RBM18: variants seen among roughly 807,000 people sequenced by gnomAD.
The protein encoded by RBM18 is RNA binding motif protein 18.
In RBM18, 18 loss-of-function variants were observed where a neutral mutation model predicts 26.4. The ratio of observed to expected loss-of-function variants is 0.68; its 90% CI spans 0.47 to 1.01. The LOEUF is 1.01. RBM18 is among the 50% of genes least tolerant of loss of function. RBM18 has a pLI of 0.00. For missense variants in RBM18, 180 were observed against 219.2 expected (o/e 0.82, Z 1.13); for synonymous variants, 74 against 81.1 (o/e 0.91, Z 0.47).
chr9:122,251,988 G>A lies in RBM18; in HGVS notation c.114-15C>T, dbSNP rs1444927371. The A allele has an allele frequency of 1.2e-6, 2 of 1,613,392 alleles. No homozygotes were observed. Among genetic ancestry groups the A allele is most frequent in the African/African-American group, 1.3e-5 (1 of 74,906 alleles). ...GGAGGTGGTATCTGTGGAGAAAGAA[G>A]AGTCCATGAGTATGCTCTGGGAATT... is the stretch of plus-strand genomic sequence containing the variant. On this transcript the variant is annotated splice_polypyrimidine_tract_variant and intron_variant, in intron 2 of 5. Transcript: ENST00000417201.
intron 1 of RBM18, among the ~76,000 whole-genome samples, chr9:122,262,104 T>C (rs1404135098): frequency 6.7e-6 from 1 of 149,630 alleles, no homozygotes; most frequent in East Asian, 1.9e-4. Context: ...GCTTATTTTA[T>C]AGAGTTGTTG....
chr9:122,263,346 A>C lies in RBM18; in HGVS notation c.-17+1369T>G, dbSNP rs1831863948. Among the ~76,000 whole-genome samples, 3 of 152,258 alleles carry C rather than the reference A, an allele frequency of 2.0e-5. No homozygotes were observed. The South Asian group carries it at 6.2e-4, about 32-fold the overall frequency. ...TGAAATAGACAAATGAAAAAGCCAC[A>C]GCTCTTGTTCTTACCTCCTGGGAGA... On this transcript the variant is annotated intron_variant, in intron 1 of 5. Transcript: ENST00000417201.
At chr9:122,260,019 A>C (rs1018282223) in intron 2 of RBM18, among the ~76,000 whole-genome samples, 4 of 152,054 alleles carry the variant, frequency 2.6e-5, no homozygotes, top group Admixed American at 6.5e-5. Context: ...CACTATTCTA[A>C]AGGGAGTAAC....
chr9:122,254,817 C>T (rs985054084), intron 2 of RBM18, among the ~76,000 whole-genome samples: 2 of 152,110 alleles, frequency 1.3e-5, no homozygotes, highest in African/African-American at 2.4e-5. Context: ...CAAACAATTA[C>T]AAAACAATGG....
chr9:122,259,812 A>G (rs1180151550), intron 2 of RBM18, among the ~76,000 whole-genome samples: 1 of 151,554 alleles, frequency 6.6e-6, no homozygotes, highest in African/African-American at 2.4e-5. Context: ...TCGCGCCTCA[A>G]CCTCCCAAGT....
At chr9:122,247,418 G>A (rs1458413687) in intron 4 of RBM18, 100 bp downstream of exon 4, 2 of 961,626 alleles carry the variant, frequency 2.1e-6, no homozygotes, top group South Asian at 1.3e-5. Flanking sequence ...GGCTGTTTCA[G>A]GTGTGAAGAG....
In RBM18 at chr9:122,241,745, C is replaced by T; in HGVS notation, c.*139G>A. On this transcript the variant is annotated 3_prime_UTR_variant, in exon 6 of 6. Coordinates refer to ENST00000417201, the MANE Select transcript of RBM18 (RefSeq NM_033117.4). ...AGGGAAGAAACATCCATAAGAACAT[C>T]CAAAAACATTATGTTACCAAATGCT... is the stretch of plus-strand genomic sequence containing the variant. The T allele has an allele frequency of 1.4e-6, 1 of 696,814 alleles. No homozygotes were observed. The highest frequency in any genetic ancestry group is 2.7e-5 in the East Asian group (1 of 37,704). The allele number at this position is 696,814 out of a possible 1,614,324, so 43.2% of individuals were successfully genotyped here. A position where few individuals can be genotyped will look rare whatever the true frequency, so the allele number is the denominator to read the frequency against.
At chr9:122,247,438 TA>T in intron 4 of RBM18, 79 bp downstream of exon 4, 1 of 1,195,500 alleles carries the variant, frequency 8.4e-7, no homozygotes, top group Non-Finnish European at 1.2e-6. Context: ...GATTGGGACA[TA>T]AACGGGTAAG....
chr9:122,250,744 T>G lies in RBM18; in HGVS notation c.240+1103A>C, dbSNP rs142443201. On this transcript the variant is annotated intron_variant, in intron 3 of 5. Coordinates refer to ENST00000417201, the MANE Select transcript of RBM18 (RefSeq NM_033117.4). ...TGTAACGTGTTTATGTGTGTGTGAA[T>G]GTGAAGAAACAAAAAGACTGGAAAG... Among the ~76,000 whole-genome samples the G allele has an allele frequency of 6.6e-5, 10 of 152,296 alleles. No homozygotes were observed. In the East Asian group the frequency reaches 1.9e-3, roughly 29 times the overall value.
At chr9:122,252,091 C>G in intron 2 of RBM18, 118 bp from the exon 3 acceptor site, 1 of 1,310,898 alleles carries the variant, frequency 7.6e-7, no homozygotes, top group Non-Finnish European at 1.1e-6. Flanking sequence ...TCGCCCCAGC[C>G]CCCTGCCTTC....
rs1194579039 is a variant in RBM18 at position 122,238,242 on chromosome 9, TACAGCCATTGTTTTA to T, written c.*3627_*3641del. 6.6e-6 allele frequency: 1 copy of T among 152,268 alleles called. No individual in the cohort carries two copies. The highest frequency in any genetic ancestry group is 2.4e-5 in the African/African-American group (1 of 41,464). 9.4% of individuals were successfully genotyped at this position (152,268 alleles called of 1,614,324 possible). ...AAATATTTATTGAGTATGTATGATG[TACAGCCATTGTTTTA>T]AATGCTGAGGGTATAGCAGTGATAT... On this transcript the variant is annotated 3_prime_UTR_variant, in exon 6 of 6. Coordinates refer to ENST00000417201, the MANE Select transcript of RBM18 (RefSeq NM_033117.4).
chr9:122,258,585 A>G (rs1001172832), intron 2 of RBM18, among the ~76,000 whole-genome samples: 1 of 152,162 alleles, frequency 6.6e-6, no homozygotes, highest in Non-Finnish European at 1.5e-5. Flanking sequence ...ATCTTTAAGC[A>G]TAAATTTATT....
chr9:122,262,246 T>A (rs2118978667), intron 1 of RBM18, among the ~76,000 whole-genome samples: 1 of 152,322 alleles, frequency 6.6e-6, no homozygotes, highest in African/African-American at 2.4e-5. Flanking sequence ...TCCTCCTTAG[T>A]TATTCAAGTT....
chr9:122,262,501 T>C (rs1032228891), intron 1 of RBM18, among the ~76,000 whole-genome samples: 2 of 152,232 alleles, frequency 1.3e-5, no homozygotes, highest in African/African-American at 2.4e-5. Context: ...AAGAGGATTA[T>C]GATTATGATG....
intron 2 of RBM18, among the ~76,000 whole-genome samples, chr9:122,257,334 G>C (rs1050812002): frequency 6.6e-6 from 1 of 152,126 alleles, no homozygotes; most frequent in Non-Finnish European, 1.5e-5. Flanking sequence ...TTTTAGTTGA[G>C]ACAGGGTTTC....
At chr9:122,250,682 C>A (rs12342392) in intron 3 of RBM18, among the ~76,000 whole-genome samples, 55,665 of 151,904 alleles carry the variant, frequency 0.37, 10,558 homozygotes, top group East Asian at 0.49. Context: ...GAATGATAAA[C>A]ATGATAATAT....
intron 2 of RBM18, among the ~76,000 whole-genome samples, chr9:122,259,549 G>A (rs1358532872): frequency 2.0e-5 from 3 of 152,174 alleles, no homozygotes; most frequent in Non-Finnish European, 4.4e-5. Flanking sequence ...TAATTTCTAA[G>A]GGAACTGAAT....
At chr9:122,242,385 T>C (rs1375213607) in intron 5 of RBM18, among the ~76,000 whole-genome samples, 4 of 152,158 alleles carry the variant, frequency 2.6e-5, no homozygotes, top group African/African-American at 9.7e-5. Flanking sequence ...GAAAACAACA[T>C]TATAAGATAG....
intron 3 of RBM18, 114 bp from the exon 4 acceptor site, chr9:122,247,718 G>T (rs1831526768): frequency 1.4e-6 from 1 of 737,698 alleles, no homozygotes; most frequent in Non-Finnish European, 2.3e-6. Context: ...ATTGTTTTTG[G>T]TAAATAACTG....
Sources: gnomAD v4.1 joint callset for allele counts (sites outside exome capture counted in the v4.1 genomes callset) on GRCh38, gnomAD v4.1.1 for gene constraint, MANE v1.5 for transcripts, NCBI Gene and HGNC (gene_info 2026-07-23, HGNC 2026-07-21) for gene names.